The following DNAH10 variants were observed in gnomAD, a reference collection of about 807,000 sequenced individuals.
DNAH10 encodes the protein axonemal beta dynein heavy chain 10.
Under a neutral mutation model 506.6 loss-of-function variants are expected in DNAH10, and 348 were observed. The observed-to-expected ratio is 0.69, with a 90% CI of 0.63 to 0.75. The LOEUF (loss-of-function observed/expected upper bound fraction) is 0.75, where lower values mean the gene tolerates loss of function less well. DNAH10 is among the 30% of genes least tolerant of loss of function. The probability of loss-of-function intolerance (pLI) is 0.00; values close to 1 mark genes in which losing one functional copy is unlikely to be tolerated. For missense variants in DNAH10, 5,179 were observed against 5,787.1 expected (o/e 0.89, Z 3.41); for synonymous variants, 2,059 against 2,198.6 (o/e 0.94, Z 1.78).
At chr12:123,862,899 A>G (rs555433726) in intron 39 of DNAH10, among the ~76,000 whole-genome samples, 2 of 152,304 alleles carry the variant, frequency 1.3e-5, no homozygotes, top group African/African-American at 4.8e-5. Context: ...TTTATCTGCA[A>G]TTGACTCTCA....
Position 123,762,444 on chromosome 12 carries a change from C to A in DNAH10, c.108C>A (p.Gly36=). 1 of 1,469,072 alleles carries A rather than the reference C, an allele frequency of 6.8e-7. No individual in the cohort carries two copies. Among genetic ancestry groups the A allele is most frequent in the Non-Finnish European group, 9.1e-7 (1 of 1,104,954 alleles). 91.0% of individuals were successfully genotyped at this position (1,469,072 alleles called of 1,614,324 possible). Residue 36 remains glycine, a synonymous_variant, in exon 1 of 79, where the codon GGC becomes GGA. Coordinates refer to ENST00000673944, the MANE Select transcript of DNAH10 (RefSeq NM_001372106.1). This position sits in a 1 kb window ranked among gnomAD's most constrained non-coding sequence, Gnocchi z 5.0. The part of the protein sequence containing the change: ...EDLLNRDDGQ[G]EDLILHFLNQ... ...TGCTCAACCGCGACGACGGCCAGGG[C>A]GAGGACCTCATCTTGCACTTCCTCA...
At chr12:123,767,239 C>T (rs879382723) in intron 1 of DNAH10, among the ~76,000 whole-genome samples, 2 of 152,190 alleles carry the variant, frequency 1.3e-5, no homozygotes, top group African/African-American at 2.4e-5. Context: ...GTAACATACA[C>T]ACGGCCTGCA....
At position 123,848,889 on chromosome 12, in the gene DNAH10, C is replaced by A; in HGVS notation, c.6102+7C>A. Reference sequence around the variant, plus strand: ...TCAGTTAACCACGTTCCAGGTGAGACACATGAAGCCCCCGGGACCATGTCC... The same window carrying A: ...TCAGTTAACCACGTTCCAGGTGAGAAACATGAAGCCCCCGGGACCATGTCC... On this transcript the variant is annotated splice_region_variant and intron_variant, in intron 34 of 78. Coordinates refer to ENST00000673944, the MANE Select transcript of DNAH10 (RefSeq NM_001372106.1). The A allele has an allele frequency of 6.2e-7, 1 of 1,613,122 alleles. No individual in the cohort carries two copies. The highest frequency in any genetic ancestry group is 8.5e-7 in the Non-Finnish European group (1 of 1,179,542).
At position 123,823,278 on chromosome 12, in the gene DNAH10, G is replaced by A. The variant is rs150669781; in HGVS notation, c.4179+2520G>A. Among the ~76,000 whole-genome samples the A allele has an allele frequency of 1.1e-3, 163 of 152,348 alleles. 1 individual carries two copies. Among genetic ancestry groups the A allele is most frequent in the African/African-American group, 3.1e-3 (127 of 41,576 alleles). ...CAGACTGGTGGCTTTACCAACCATG[G>A]ATGCACCAGGAAATGGGGTTGGGAT... is the stretch of plus-strand genomic sequence containing the variant. On this transcript the variant is annotated intron_variant, in intron 24 of 78. Coordinates refer to ENST00000673944, the MANE Select transcript of DNAH10 (RefSeq NM_001372106.1).
intron 13 of DNAH10, 97 bp from the exon 14 acceptor site, chr12:123,799,149 A>T: frequency 1.5e-6 from 1 of 666,818 alleles, no homozygotes; most frequent in Non-Finnish European, 2.0e-6. Context: ...AATAATTTAT[A>T]TATTATATTT....
At chr12:123,786,314 C>G (rs1475410075) in intron 9 of DNAH10, among the ~76,000 whole-genome samples, 1 of 144,778 alleles carries the variant, frequency 6.9e-6, no homozygotes, top group East Asian at 2.0e-4. Context: ...GAGATTCTGT[C>G]TCAAAAAAAA....
At chr12:123,811,989 G>T (rs1012759695) in intron 19 of DNAH10, among the ~76,000 whole-genome samples, 1 of 152,140 alleles carries the variant, frequency 6.6e-6, no homozygotes, top group Admixed American at 6.5e-5. Flanking sequence ...TATTAGGTCA[G>T]TGCAAAAGTA....
chr12:123,893,763 G>A (rs1594308020), intron 53 of DNAH10, among the ~76,000 whole-genome samples: 2 of 152,186 alleles, frequency 1.3e-5, no homozygotes, highest in Admixed American at 1.3e-4. Flanking sequence ...CCTAATGGGC[G>A]GGGCAGGGGC....
intron 16 of DNAH10, among the ~76,000 whole-genome samples, chr12:123,801,669 A>G (rs57753261): frequency 0.078 from 11,832 of 152,158 alleles, 711 homozygotes; most frequent in African/African-American, 0.18. Context: ...CCCAAAAGAA[A>G]ATCACCTTTA....
chr12:123,869,095 C>T (rs1044754498), intron 43 of DNAH10, among the ~76,000 whole-genome samples: 18 of 152,210 alleles, frequency 1.2e-4, no homozygotes, highest in Non-Finnish European at 2.2e-4. Context: ...CCCTGCAGGC[C>T]CTCGAGCATA....
intron 33 of DNAH10, among the ~76,000 whole-genome samples, chr12:123,848,365 G>A (rs1951037889): frequency 6.6e-6 from 1 of 152,198 alleles, no homozygotes; most frequent in Non-Finnish European, 1.5e-5. Flanking sequence ...AGAGAGTGGT[G>A]GGATCTGTGG....
In DNAH10 at chr12:123,913,836, A is replaced by G. The variant is rs769381922; in HGVS notation, c.10353-493A>G. ...AATCTAGCATCTGTAAGTGTGGTGTAGAAAACACTGAAAAATGTTGTTTGC... is the reference window on the plus strand; with the variant it reads ...AATCTAGCATCTGTAAGTGTGGTGTGGAAAACACTGAAAAATGTTGTTTGC... On this transcript the variant is annotated intron_variant, in intron 60 of 78. Coordinates refer to ENST00000673944, the MANE Select transcript of DNAH10 (RefSeq NM_001372106.1). The surrounding 1 kb of genome is among the most constrained non-coding windows in gnomAD (Gnocchi z 5.1). Among the ~76,000 whole-genome samples, 1 of 152,268 alleles carries G rather than the reference A, an allele frequency of 6.6e-6. No individual in the cohort carries two copies. Among genetic ancestry groups the G allele is most frequent in the Non-Finnish European group, 1.5e-5 (1 of 68,046 alleles).
chr12:123,878,615 G>A (rs947228286), intron 48 of DNAH10, among the ~76,000 whole-genome samples: 1 of 152,092 alleles, frequency 6.6e-6, no homozygotes, highest in Non-Finnish European at 1.5e-5. Context: ...AGGAGCTGTC[G>A]GCCAGGCACA....
At chr12:123,900,525 T>A (rs530630776) in intron 56 of DNAH10, among the ~76,000 whole-genome samples, 2 of 152,328 alleles carry the variant, frequency 1.3e-5, no homozygotes, top group South Asian at 4.1e-4. Context: ...TTAGTGCCTC[T>A]CCTACCTGTG....
chr12:123,863,899 A>G (rs2136895934), intron 39 of DNAH10, among the ~76,000 whole-genome samples: 1 of 152,324 alleles, frequency 6.6e-6, no homozygotes, highest in East Asian at 1.9e-4. Context: ...CCAGTGATAA[A>G]TAGCAATTGA....
At chr12:123,890,358 A>G (rs1166208536) in intron 52 of DNAH10, among the ~76,000 whole-genome samples, 1 of 150,978 alleles carries the variant, frequency 6.6e-6, no homozygotes, top group Non-Finnish European at 1.5e-5. Context: ...GTAGCTTCCA[A>G]CTCCTGGGCT....
At chr12:123,886,480 C>CGCGT (rs147446922) in intron 51 of DNAH10, among the ~76,000 whole-genome samples, 5 of 151,628 alleles carry the variant, frequency 3.3e-5, no homozygotes, top group African/African-American at 4.9e-5. Context: ...CGCGCGCGCG[C>CGCGT]GTGTGTGTGC....
At chr12:123,861,309 C>T in intron 39 of DNAH10, 139 bp downstream of exon 39, 2 of 1,134,558 alleles carry the variant, frequency 1.8e-6, no homozygotes, top group Non-Finnish European at 1.2e-6. Context: ...GGAGGCTGTG[C>T]TTCGGAAGTG....
intron 57 of DNAH10, among the ~76,000 whole-genome samples, chr12:123,905,043 G>A (rs1485282129): frequency 6.6e-6 from 1 of 152,240 alleles, no homozygotes; most frequent in Non-Finnish European, 1.5e-5. Context: ...TTCAGGTTCT[G>A]AGGGTTTGGA....
Sources: gnomAD v4.1 joint callset for allele counts (sites outside exome capture counted in the v4.1 genomes callset) on GRCh38, gnomAD v4.1.1 for gene constraint, Gnocchi (gnomAD v3.1) non-coding constraint, MANE v1.5 for transcripts, NCBI Gene and HGNC (gene_info 2026-07-23, HGNC 2026-07-21) for gene names.